The following UBE2B variants were observed in gnomAD, a reference collection of about 807,000 sequenced individuals.
UBE2B encodes the protein ubiquitin-conjugating enzyme E2 B.
UBE2B carries 11 observed loss-of-function variants against 24.6 expected under a neutral mutation model. The observed-to-expected ratio is 0.45, with a 90% CI of 0.28 to 0.74. The LOEUF is 0.74. Among genes scored for constraint, UBE2B ranks in the 30% least tolerant of loss-of-function variants. The pLI is 0.13. For synonymous variants in UBE2B, 68 were observed against 62.4 expected (o/e 1.09, Z -0.42); for missense variants, 78 against 185.6 (o/e 0.42, Z 3.37).
At chr5:134,375,452 C>A (rs149357870) in intron 2 of UBE2B, among the ~76,000 whole-genome samples, 1 of 152,074 alleles carries the variant, frequency 6.6e-6, no homozygotes, top group Non-Finnish European at 1.5e-5. Context: ...CAAGAGTCTA[C>A]ATTTAAAGAC....
intron 2 of UBE2B, among the ~76,000 whole-genome samples, chr5:134,376,204 C>T (rs908680119): frequency 6.7e-5 from 10 of 148,410 alleles, no homozygotes; most frequent in Middle Eastern, 3.5e-3. Flanking sequence ...CATCTGTAAT[C>T]CCACCTACTC....
chr5:134,390,479 T>C lies in UBE2B; in HGVS notation c.*126T>C. 1 of 1,195,066 alleles carries C rather than the reference T, an allele frequency of 8.4e-7. No individual in the cohort carries two copies. Among genetic ancestry groups the C allele is most frequent in the East Asian group, 2.5e-5 (1 of 39,464 alleles). The allele number at this position is 1,195,066 out of a possible 1,614,324, so 74.0% of individuals were successfully genotyped here. ...TGCAGAAAAAAAAGAAAAAAGTCCT[T>C]CAGTTTAGAACCTACAAAAGCTTGT... On this transcript the variant is annotated 3_prime_UTR_variant, in exon 6 of 6. Transcript: ENST00000265339. This position sits in a 1 kb window ranked among gnomAD's most constrained non-coding sequence, Gnocchi z 4.6.
rs1365175286 is a variant in UBE2B, at chr5:134,375,290, A to G, written c.125+827A>G. Among the ~76,000 whole-genome samples, 2 of 152,194 alleles carry G rather than the reference A, an allele frequency of 1.3e-5. 1 individual carries two copies. Among genetic ancestry groups the G allele is most frequent in the East Asian group, 3.9e-4 (2 of 5,194 alleles). On this transcript the variant is annotated intron_variant, in intron 2 of 5. Transcript: ENST00000265339. Reference sequence around the variant, plus strand: ...TTTACCTACTATGTATATTGCGTATATGCTTTTTAATTTAAAATTTCCTTA... The same window carrying G: ...TTTACCTACTATGTATATTGCGTATGTGCTTTTTAATTTAAAATTTCCTTA...
intron 3 of UBE2B, among the ~76,000 whole-genome samples, chr5:134,379,357 C>CTTT (rs542422135): frequency 4.1e-4 from 63 of 152,136 alleles, no homozygotes; most frequent in Middle Eastern, 3.4e-3. Flanking sequence ...TCAAATACTA[C>CTTT]TTTTTTTGCT....
chr5:134,379,860 A>G (rs1463573063), intron 3 of UBE2B, among the ~76,000 whole-genome samples: 3 of 152,068 alleles, frequency 2.0e-5, no homozygotes, highest in African/African-American at 4.8e-5. Context: ...CTTATCACCA[A>G]CTTGGGGAGA....
intron 3 of UBE2B, among the ~76,000 whole-genome samples, chr5:134,378,942 A>AC (rs1254885852): frequency 5.3e-5 from 8 of 151,022 alleles, no homozygotes; most frequent in African/African-American, 2.0e-4. Flanking sequence ...AAAAAAAAAA[A>AC]AAAACAGTGG....
intron 5 of UBE2B, among the ~76,000 whole-genome samples, chr5:134,389,680 C>T (rs1023649927): frequency 6.6e-6 from 1 of 151,850 alleles, no homozygotes; most frequent in Non-Finnish European, 1.5e-5. Context: ...TTCCGAGTAG[C>T]GGATTACGGG....
intron 4 of UBE2B, among the ~76,000 whole-genome samples, chr5:134,386,189 G>A (rs575899100): frequency 7.0e-6 from 1 of 141,922 alleles, no homozygotes. Flanking sequence ...TAGCTGGGTC[G>A]TGGTTGTACA....
chr5:134,377,764 T>C (rs1049067601), intron 3 of UBE2B, among the ~76,000 whole-genome samples: 3 of 152,204 alleles, frequency 2.0e-5, no homozygotes, highest in Non-Finnish European at 4.4e-5. Context: ...ACTAAGACTG[T>C]TGACCTTTGC....
chr5:134,378,682 G>T (rs1336363966), intron 3 of UBE2B, among the ~76,000 whole-genome samples: 1 of 97,782 alleles, frequency 1.0e-5, no homozygotes, highest in Non-Finnish European at 3.0e-5. Flanking sequence ...CAATTTGAAT[G>T]ACTTTTTTTC....
chr5:134,385,289 T>C (rs1199844807), intron 4 of UBE2B, among the ~76,000 whole-genome samples: 17 of 152,152 alleles, frequency 1.1e-4, no homozygotes, highest in Admixed American at 1.0e-3. Flanking sequence ...AGGCCAATGA[T>C]TGGGAATACT....
chr5:134,384,473 T>C (rs1758763805), intron 4 of UBE2B, among the ~76,000 whole-genome samples: 1 of 152,150 alleles, frequency 6.6e-6, no homozygotes, highest in Non-Finnish European at 1.5e-5. Context: ...GACTTGTTAT[T>C]GAGTCAAACC....
chr5:134,382,984 G>A (rs1408170153), intron 4 of UBE2B, among the ~76,000 whole-genome samples: 1 of 151,794 alleles, frequency 6.6e-6, no homozygotes, highest in Non-Finnish European at 1.5e-5. Context: ...GGTCAACGTG[G>A]TGAAACCTCA....
intron 3 of UBE2B, among the ~76,000 whole-genome samples, chr5:134,378,250 T>A (rs902647531): frequency 6.6e-6 from 1 of 152,076 alleles, no homozygotes; most frequent in African/African-American, 2.4e-5. Context: ...CCCTTGAGTA[T>A]CTATGTGGGT....
chr5:134,388,709 G>A (rs955620166), intron 5 of UBE2B, among the ~76,000 whole-genome samples: 3 of 152,124 alleles, frequency 2.0e-5, no homozygotes, highest in African/African-American at 7.2e-5. Context: ...GCCAAGTGTA[G>A]ATAAGCATTG....
chr5:134,380,954 GAT>G, intron 4 of UBE2B, 146 bp downstream of exon 4: 41 of 218,704 alleles, frequency 1.9e-4, no homozygotes, highest in East Asian at 2.6e-4. Context: ...TTTTGTTGTG[GAT>G]TTTTTTTTTT....
At chr5:134,380,627 GGTT>G (rs1403805253) in intron 3 of UBE2B, 89 bp from the exon 4 acceptor site, 4 of 739,114 alleles carry the variant, frequency 5.4e-6, no homozygotes, top group Non-Finnish European at 9.5e-6. Context: ...ACTTTTATGT[GGTT>G]GTACAAAAAC....
intron 4 of UBE2B, among the ~76,000 whole-genome samples, chr5:134,384,060 G>A (rs536452749): frequency 9.9e-5 from 15 of 152,014 alleles, no homozygotes; most frequent in Non-Finnish European, 1.9e-4. Context: ...TTATATTTCT[G>A]TATTATAAAT....
Position 134,388,946 on chromosome 5 carries a change from G to GTTTT in UBE2B, c.330+553_330+556dup, listed in dbSNP as rs35847901. The stretch of plus-strand genomic sequence containing the variant: ...TTTTTTCTCTCACACTTCTTTAATT[G>GTTTT]TTTTTTTTTTTTTTTTTTTTTTTGA... On this transcript the variant is annotated intron_variant, in intron 5 of 5. Transcript: ENST00000265339. 3.4e-3 allele frequency: 590 copies of GTTTT among 174,462 alleles called. 11 individuals are homozygous for GTTTT. The highest frequency in any genetic ancestry group is 0.025 in the African/African-American group (448 of 17,992). The allele number at this position is 174,462 out of a possible 1,614,324, so 10.8% of individuals were successfully genotyped here. A position where few individuals can be genotyped will look rare whatever the true frequency, so the allele number is the denominator to read the frequency against.
Sources: gnomAD v4.1 joint callset for allele counts (sites outside exome capture counted in the v4.1 genomes callset) on GRCh38, gnomAD v4.1.1 for gene constraint, Gnocchi (gnomAD v3.1) non-coding constraint, MANE v1.5 for transcripts, NCBI Gene and HGNC (gene_info 2026-07-23, HGNC 2026-07-21) for gene names.